Variants in ZDHHC21 observed in about 807,000 individuals in gnomAD.
The protein encoded by ZDHHC21 is palmitoyltransferase ZDHHC21.
A neutral mutation model predicts 34.6 loss-of-function variants in ZDHHC21; 15 were observed. That is an observed-to-expected ratio of 0.43 (90% CI 0.29 to 0.67). ZDHHC21 has a LOEUF of 0.67. Among genes scored for constraint, ZDHHC21 ranks in the 30% least tolerant of loss-of-function variants. ZDHHC21 has a pLI of 0.14. For synonymous variants in ZDHHC21, 142 were observed against 101.8 expected (o/e 1.40, Z -2.38); for missense variants, 344 against 327.7 (o/e 1.05, Z -0.38).
intron 6 of ZDHHC21, among the ~76,000 whole-genome samples, chr9:14,661,914 T>C (rs1564332665): frequency 6.6e-6 from 1 of 152,222 alleles, no homozygotes; most frequent in Admixed American, 6.5e-5. Flanking sequence ...TCAGATATTG[T>C]AGTAAATGTT....
intron 7 of ZDHHC21, among the ~76,000 whole-genome samples, chr9:14,647,501 CCACA>C (rs541461581): frequency 1.9e-4 from 29 of 152,176 alleles, no homozygotes; most frequent in African/African-American, 6.3e-4. Context: ...CTTATGAATA[CCACA>C]TGCTTTCTTT....
At chr9:14,664,134 G>A (rs1030011872) in intron 5 of ZDHHC21, among the ~76,000 whole-genome samples, 12 of 152,126 alleles carry the variant, frequency 7.9e-5, no homozygotes, top group African/African-American at 1.9e-4. Context: ...GACAGTGGGC[G>A]CAGGCCAGCG....
chr9:14,635,442 C>T (rs1246345629), intron 8 of ZDHHC21, among the ~76,000 whole-genome samples: 1 of 152,178 alleles, frequency 6.6e-6, no homozygotes, highest in African/African-American at 2.4e-5. Context: ...AGAAAGAAAG[C>T]ATCAAGTCCC....
chr9:14,692,452 T>C (rs1209817954), intron 1 of ZDHHC21, among the ~76,000 whole-genome samples: 3 of 152,184 alleles, frequency 2.0e-5, no homozygotes, highest in Non-Finnish European at 4.4e-5. Flanking sequence ...TTGATTTTTT[T>C]TTCTCTTCTA....
At chr9:14,657,075 A>G (rs1025618454) in intron 7 of ZDHHC21, among the ~76,000 whole-genome samples, 2 of 151,984 alleles carry the variant, frequency 1.3e-5, no homozygotes, top group Admixed American at 1.3e-4. Flanking sequence ...ATTGCCATTA[A>G]TTTCTCTCCA....
chr9:14,596,384 G>A, the ZDHHC21 span, among the ~76,000 whole-genome samples: 2 of 152,226 alleles, frequency 1.3e-5, no homozygotes, highest in African/African-American at 4.8e-5. Flanking sequence ...GTGGGGCTCA[G>A]TGCCCTGAAG....
the ZDHHC21 span, chr9:14,590,179 T>C: frequency 6.6e-6 from 1 of 152,170 alleles, no homozygotes; most frequent in Admixed American, 6.5e-5. Context: ...GCAGCAGGGT[T>C]AGCAGCAGAT....
intron 2 of ZDHHC21, among the ~76,000 whole-genome samples, chr9:14,682,780 G>C (rs1837606851): frequency 6.6e-6 from 1 of 152,086 alleles, no homozygotes; most frequent in Non-Finnish European, 1.5e-5. Context: ...TGACCACATA[G>C]TTAGAAGTAA....
intron 7 of ZDHHC21, among the ~76,000 whole-genome samples, chr9:14,654,332 G>T (rs1333935246): frequency 1.3e-5 from 2 of 151,878 alleles, no homozygotes; most frequent in Non-Finnish European, 2.9e-5. Flanking sequence ...CTGTTATTTA[G>T]CATTAGAAAT....
Position 14,621,000 on chromosome 9 carries a change from C to T in ZDHHC21, c.622-1318G>A, listed in dbSNP as rs539751009. Among the ~76,000 whole-genome samples, 11 of 152,078 alleles carry T rather than the reference C, an allele frequency of 7.2e-5. No individual in the cohort carries two copies. The South Asian group carries it at 2.3e-3, about 31-fold the overall frequency. On this transcript the variant is annotated intron_variant, in intron 8 of 9. Transcript: ENST00000380916. ...TCTTACTTTATGAAAACACAGTCTA[C>T]AAACATATGAGAACACTGATTAGGG...
chr9:14,640,955 T>C (rs1829270747), intron 7 of ZDHHC21, among the ~76,000 whole-genome samples: 1 of 152,072 alleles, frequency 6.6e-6, no homozygotes, highest in Non-Finnish European at 1.5e-5. Flanking sequence ...GAACTAAGAC[T>C]TCTCCTGGAA....
chr9:14,622,840 A>C (rs1208792740), intron 8 of ZDHHC21: 3 of 539,680 alleles, frequency 5.6e-6, no homozygotes, highest in Non-Finnish European at 7.1e-6. Context: ...AGACCTGAGG[A>C]AAGTAAGAAA....
chr9:14,642,772 A>G (rs2133742381), intron 7 of ZDHHC21, among the ~76,000 whole-genome samples: 1 of 152,294 alleles, frequency 6.6e-6, no homozygotes, highest in East Asian at 1.9e-4. Context: ...AATGTGAGAA[A>G]ATGAATTTCT....
At chr9:14,596,786 C>G in the ZDHHC21 span, among the ~76,000 whole-genome samples, 19 of 152,054 alleles carry the variant, frequency 1.2e-4, no homozygotes, top group Non-Finnish European at 2.8e-4. Flanking sequence ...TGGCTGGTGG[C>G]TAGAGGTACG....
At chr9:14,689,590 A>C (rs569951175) in intron 2 of ZDHHC21, among the ~76,000 whole-genome samples, 18 of 152,180 alleles carry the variant, frequency 1.2e-4, no homozygotes, top group Non-Finnish European at 2.2e-4. Context: ...GTGAAAAATA[A>C]ATGTACATGA....
chr9:14,687,372 T>C (rs910152785), intron 2 of ZDHHC21, among the ~76,000 whole-genome samples: 1 of 150,616 alleles, frequency 6.6e-6, no homozygotes, highest in African/African-American at 2.5e-5. Context: ...ATCTATGTGG[T>C]AATAAAAGTA....
In ZDHHC21 at chr9:14,630,975, G is replaced by C. The variant is rs1009994824; in HGVS notation, c.621+8921C>G. Reference sequence around the variant, plus strand: ...TAATTCTTAAGAGCCTAGGATTTTTGGAATGGCAAATGAGCACTGGCTTCA... The same window carrying C: ...TAATTCTTAAGAGCCTAGGATTTTTCGAATGGCAAATGAGCACTGGCTTCA... On this transcript the variant is annotated intron_variant, in intron 8 of 9. Transcript: ENST00000380916. Among the ~76,000 whole-genome samples the C allele has an allele frequency of 6.6e-5, 10 of 152,292 alleles. No homozygotes were observed. The South Asian group carries it at 1.0e-3, about 16-fold the overall frequency.
chr9:14,677,255 AAAC>A (rs1836583420), intron 3 of ZDHHC21: 1 of 150,928 alleles, frequency 6.6e-6, no homozygotes, highest in Admixed American at 6.6e-5. Context: ...TAGAAAAATA[AAAC>A]AACAAACAAA....
chr9:14,595,147 C>T, the ZDHHC21 span, among the ~76,000 whole-genome samples: 1 of 152,142 alleles, frequency 6.6e-6, no homozygotes, highest in Non-Finnish European at 1.5e-5. Flanking sequence ...CCATTCAATG[C>T]AGATTTCCAC....
Sources: gnomAD v4.1 joint callset for allele counts (sites outside exome capture counted in the v4.1 genomes callset) on GRCh38, gnomAD v4.1.1 for gene constraint, MANE v1.5 for transcripts, NCBI Gene and HGNC (gene_info 2026-07-23, HGNC 2026-07-21) for gene names.